KCNIP4: variants seen among roughly 807,000 people sequenced by gnomAD.
KCNIP4 encodes the protein Kv channel-interacting protein 4.
A neutral mutation model predicts 34.0 loss-of-function variants in KCNIP4; 12 were observed. The ratio of observed to expected loss-of-function variants is 0.35; its 90% CI spans 0.23 to 0.57. The LOEUF (loss-of-function observed/expected upper bound fraction) is 0.57. Ranked by LOEUF, KCNIP4 falls within the 20% of genes least tolerant of loss-of-function variation. The pLI is 0.83. For synonymous variants in KCNIP4, 124 were observed against 102.2 expected (o/e 1.21, Z -1.29); for missense variants, 238 against 311.7 (o/e 0.76, Z 1.78).
intron 1 of KCNIP4, among the ~76,000 whole-genome samples, chr4:21,101,956 GA>G (rs1320567344): frequency 6.6e-6 from 1 of 152,108 alleles, no homozygotes; most frequent in Non-Finnish European, 1.5e-5. Flanking sequence ...AAAGCTAAGA[GA>G]GGTGGAAAGA....
intron 1 of KCNIP4, chr4:21,613,827 T>C (rs2109154125): frequency 6.6e-6 from 1 of 152,146 alleles, no homozygotes; most frequent in South Asian, 2.1e-4. Context: ...TGGATCCAGG[T>C]AGGGCCCACC....
chr4:21,389,013 C>A (rs1722291215), intron 1 of KCNIP4, among the ~76,000 whole-genome samples: 2 of 149,578 alleles, frequency 1.3e-5, no homozygotes, highest in South Asian at 4.2e-4. Flanking sequence ...GAGACAGAAT[C>A]TCACTCTGTT....
chr4:21,580,416 A>T (rs1741119293), intron 1 of KCNIP4, among the ~76,000 whole-genome samples: 1 of 152,096 alleles, frequency 6.6e-6, no homozygotes, highest in Admixed American at 6.5e-5. Flanking sequence ...TGTATACGAA[A>T]GTTTTGCTCA....
intron 1 of KCNIP4, among the ~76,000 whole-genome samples, chr4:21,141,985 A>T (rs1751990451): frequency 6.6e-6 from 1 of 151,722 alleles, no homozygotes; most frequent in Non-Finnish European, 1.5e-5. Context: ...CCCTGTCTCT[A>T]CTAAAAATAC....
chr4:20,862,941 G>A (rs1722368116), intron 2 of KCNIP4, among the ~76,000 whole-genome samples: 2 of 152,102 alleles, frequency 1.3e-5, no homozygotes, highest in African/African-American at 2.4e-5. Flanking sequence ...ATACATAGAA[G>A]GGAACAACAG....
At chr4:21,144,317 T>C (rs2109221685) in intron 1 of KCNIP4, among the ~76,000 whole-genome samples, 1 of 152,330 alleles carries the variant, frequency 6.6e-6, no homozygotes, top group South Asian at 2.1e-4. Context: ...ATTTTATATC[T>C]GTATAAGAGT....
At chr4:21,780,466 T>A (rs1719509433) in intron 1 of KCNIP4, among the ~76,000 whole-genome samples, 1 of 152,264 alleles carries the variant, frequency 6.6e-6, no homozygotes, top group East Asian at 1.9e-4. Context: ...ACTTGTGAGC[T>A]ATTTTTTTGG....
chr4:21,183,469 G>GTTTT lies in KCNIP4; in HGVS notation c.62-300764_62-300761dup, dbSNP rs3080812. 3.9e-3 allele frequency among the ~76,000 whole-genome samples: 503 copies of GTTTT among 128,286 alleles called. 2 individuals carry two copies. Among genetic ancestry groups the GTTTT allele is most frequent in the African/African-American group, 0.014 (476 of 34,916 alleles). The allele number at this position is 128,286 out of a possible 152,430, so 84.2% of individuals were successfully genotyped here. The stretch of plus-strand genomic sequence containing the variant: ...TTTCTGTAATGGCTGTGTTGTTTTT[G>GTTTT]TTTTTTTTTTTTTTGGTTTTTGGAG... On this transcript the variant is annotated intron_variant, in intron 1 of 8. Transcript: ENST00000382152.
intron 1 of KCNIP4, among the ~76,000 whole-genome samples, chr4:21,723,682 A>G (rs1714989882): frequency 6.6e-6 from 1 of 152,126 alleles, no homozygotes; most frequent in African/African-American, 2.4e-5. Context: ...CTAGCCATAC[A>G]CATACACATA....
chr4:21,080,717 TTA>T (rs1745930800), intron 1 of KCNIP4, among the ~76,000 whole-genome samples: 1 of 89,408 alleles, frequency 1.1e-5, no homozygotes, highest in African/African-American at 4.0e-5. Context: ...TTTTATATAT[TTA>T]CTTTATTTAT....
At chr4:20,802,234 C>T (rs1403180713) in intron 3 of KCNIP4, among the ~76,000 whole-genome samples, 5 of 132,974 alleles carry the variant, frequency 3.8e-5, no homozygotes, top group Admixed American at 1.5e-4. Context: ...ACATATGCTA[C>T]ATATATGCTA....
chr4:21,574,320 C>T (rs537512879), intron 1 of KCNIP4, among the ~76,000 whole-genome samples: 14 of 152,090 alleles, frequency 9.2e-5, no homozygotes, highest in East Asian at 5.8e-4. Context: ...GTGAAACTGG[C>T]GTTTTTCTTT....
intron 2 of KCNIP4, among the ~76,000 whole-genome samples, chr4:20,855,291 C>T (rs1352112572): frequency 6.6e-6 from 1 of 152,172 alleles, no homozygotes; most frequent in Admixed American, 6.5e-5. Flanking sequence ...ATCCACACCT[C>T]AGATGAGGAA....
intron 1 of KCNIP4, among the ~76,000 whole-genome samples, chr4:21,501,715 T>TGTGTGTGTGTGTGTGTGTGC (rs569245544): frequency 3.1e-4 from 47 of 150,844 alleles, no homozygotes; most frequent in African/African-American, 7.1e-4. Flanking sequence ...TGTGTGTGTG[T>TGTGTGTGTGTGTGTGTGTGC]GCGTTGGAAG....
chr4:21,528,361 G>A (rs533153911), intron 1 of KCNIP4, among the ~76,000 whole-genome samples: 1 of 151,982 alleles, frequency 6.6e-6, no homozygotes, highest in South Asian at 2.1e-4. Context: ...GTTCATGTTT[G>A]CTTTCCTCCA....
intron 1 of KCNIP4, among the ~76,000 whole-genome samples, chr4:20,910,851 T>G (rs985333427): frequency 3.3e-5 from 5 of 152,178 alleles, no homozygotes; most frequent in Admixed American, 3.3e-4. Flanking sequence ...TTATGCCCCT[T>G]TGAGTGTGAC....
At chr4:21,737,239 TCTC>T (rs1287784972) in intron 1 of KCNIP4, among the ~76,000 whole-genome samples, 2 of 152,142 alleles carry the variant, frequency 1.3e-5, no homozygotes, top group South Asian at 2.1e-4. Flanking sequence ...AATTTAATGT[TCTC>T]ATCATTCACA....
chr4:20,842,910 C>T (rs1021324608), intron 3 of KCNIP4, among the ~76,000 whole-genome samples: 1 of 125,888 alleles, frequency 7.9e-6, no homozygotes, highest in South Asian at 2.5e-4. Flanking sequence ...ACTGGATTTA[C>T]ATTTTTTTTT....
At chr4:20,925,989 G>A (rs560721390) in intron 1 of KCNIP4, among the ~76,000 whole-genome samples, 85 of 152,202 alleles carry the variant, frequency 5.6e-4, no homozygotes, top group African/African-American at 2.0e-3. Flanking sequence ...TTGTTTTTGG[G>A]GCCTGGTCAC....
Sources: gnomAD v4.1 joint callset for allele counts (sites outside exome capture counted in the v4.1 genomes callset) on GRCh38, gnomAD v4.1.1 for gene constraint, MANE v1.5 for transcripts, NCBI Gene and HGNC (gene_info 2026-07-23, HGNC 2026-07-21) for gene names.